Variants in DENND1A observed in about 807,000 individuals in gnomAD.
The protein encoded by DENND1A is DENN domain-containing protein 1A.
A neutral mutation model predicts 113.7 loss-of-function variants in DENND1A; 51 were observed. That is an observed-to-expected ratio of 0.45 (90% confidence interval 0.36 to 0.57). The LOEUF is 0.57. Among genes scored for constraint, DENND1A ranks in the 20% least tolerant of loss-of-function variants. The pLI is 0.00. For synonymous variants in DENND1A, 565 were observed against 570.8 expected (o/e 0.99, Z 0.14); for missense variants, 1,258 against 1,395.9 (o/e 0.90, Z 1.57).
intron 1 of DENND1A, among the ~76,000 whole-genome samples, chr9:123,890,294 G>C (rs1014318965): frequency 6.6e-6 from 1 of 152,086 alleles, no homozygotes; most frequent in African/African-American, 2.4e-5. Context: ...GGAATGGTGG[G>C]CCACAGACTT....
rs547603398 is a variant in DENND1A, at chr9:123,401,387, G to A, written c.1631+2015C>T. 67 of 731,586 alleles carry A rather than the reference G, an allele frequency of 9.2e-5. No homozygotes were observed. The African/African-American group carries it at 1.1e-3, about 12-fold the overall frequency. 45.3% of individuals were successfully genotyped at this position (731,586 alleles called of 1,614,324 possible). ...TGGGAAGAGGCGTAGAAAAACACCC[G>A]GGTTGCACTAGAAATACCACTGGTA... On this transcript the variant is annotated intron_variant, in intron 21 of 23. Coordinates refer to ENST00000394215, the MANE Select transcript of DENND1A (RefSeq NM_001352964.2).
chr9:123,564,234 C>T (rs529774284), intron 12 of DENND1A, among the ~76,000 whole-genome samples: 1 of 152,234 alleles, frequency 6.6e-6, no homozygotes, highest in Non-Finnish European at 1.5e-5. Flanking sequence ...TAGTGCTCAA[C>T]AAGTAGAGTG....
chr9:123,922,144 T>C (rs1856380419), intron 1 of DENND1A, among the ~76,000 whole-genome samples: 1 of 152,058 alleles, frequency 6.6e-6, no homozygotes, highest in Non-Finnish European at 1.5e-5. Context: ...ATGTTGCCCA[T>C]GCTGGTCTCA....
Position 123,667,014 on chromosome 9 carries a change from C to T in DENND1A, c.507+12G>A. 1 of 1,578,862 alleles carries T rather than the reference C, an allele frequency of 6.3e-7. No homozygotes were observed. The highest frequency in any genetic ancestry group is 8.6e-7 in the Non-Finnish European group (1 of 1,168,508). The stretch of plus-strand genomic sequence containing the variant: ...ATAAAAATTTAATTTTTTCTTCTTC[C>T]CAAGTACTTACATTCTCAGGTATGC... On this transcript the variant is annotated intron_variant, in intron 8 of 23. Transcript: ENST00000394215.
chr9:123,552,039 CAGAGAGAGAG>C (rs58452320), intron 13 of DENND1A, among the ~76,000 whole-genome samples: 5 of 128,334 alleles, frequency 3.9e-5, no homozygotes, highest in South Asian at 5.2e-4. Context: ...GAGAGAGAGA[CAGAGAGAGAG>C]AGAGAGAGAG....
At chr9:123,595,898 G>A (rs374330631) in intron 11 of DENND1A, among the ~76,000 whole-genome samples, 1 of 152,116 alleles carries the variant, frequency 6.6e-6, no homozygotes, top group African/African-American at 2.4e-5. Flanking sequence ...ATCCAGCCTG[G>A]CCTCCACTCT....
Position 123,422,241 on chromosome 9 carries a change from T to C in DENND1A, c.1489-10412A>G, listed in dbSNP as rs961641603. On this transcript the variant is annotated intron_variant, in intron 19 of 23. Coordinates refer to ENST00000394215, the MANE Select transcript of DENND1A (RefSeq NM_001352964.2). The surrounding 1 kb of genome is among the most constrained non-coding windows in gnomAD (Gnocchi z 4.8). ...AAGCCATCACCCAGCATCTGAATAA[T>C]GCCAGACCCGCCAGTCATTGTCCCC... is the stretch of plus-strand genomic sequence containing the variant. 6.6e-6 allele frequency among the ~76,000 whole-genome samples: 1 copy of C among 152,204 alleles called. No individual in the cohort carries two copies. Among genetic ancestry groups the C allele is most frequent in the African/African-American group, 2.4e-5 (1 of 41,440 alleles).
chr9:123,542,645 T>C (rs186579490), intron 13 of DENND1A, among the ~76,000 whole-genome samples: 1 of 151,956 alleles, frequency 6.6e-6, no homozygotes, highest in East Asian at 1.9e-4. Context: ...AGCGAGAGAT[T>C]AGGAGGAGGA....
chr9:123,914,402 A>C (rs1467808496), intron 1 of DENND1A, among the ~76,000 whole-genome samples: 3 of 151,726 alleles, frequency 2.0e-5, no homozygotes, highest in Admixed American at 1.3e-4. Flanking sequence ...TTAGCCGAGC[A>C]TGGTGGCGAG....
intron 1 of DENND1A, among the ~76,000 whole-genome samples, chr9:123,895,973 G>T (rs917183077): frequency 1.3e-5 from 2 of 152,088 alleles, no homozygotes; most frequent in Non-Finnish European, 2.9e-5. Flanking sequence ...TTTTCCACCA[G>T]TTCAAACACA....
chr9:123,465,859 G>A (rs1418158089), intron 13 of DENND1A, among the ~76,000 whole-genome samples: 1 of 152,164 alleles, frequency 6.6e-6, no homozygotes. Context: ...GCTTGGCCTT[G>A]TGCAATGCCA....
At chr9:123,655,724 A>C (rs948370264) in intron 8 of DENND1A, among the ~76,000 whole-genome samples, 4 of 152,188 alleles carry the variant, frequency 2.6e-5, no homozygotes, top group Non-Finnish European at 4.4e-5. Flanking sequence ...GATAGAAGGG[A>C]GGACTTCCGC....
At chr9:123,384,042 G>A (rs563063339) in intron 22 of DENND1A, 129 bp from the exon 23 acceptor site, 80 of 1,277,768 alleles carry the variant, frequency 6.3e-5, no homozygotes, top group Admixed American at 1.4e-4. Flanking sequence ...AGAGTGTCCC[G>A]GGGTCTCCGT....
intron 19 of DENND1A, among the ~76,000 whole-genome samples, chr9:123,436,525 T>C (rs1161622180): frequency 6.6e-6 from 1 of 152,188 alleles, no homozygotes; most frequent in African/African-American, 2.4e-5. Flanking sequence ...ATACTAAACT[T>C]GAGAAGGGGA....
chr9:123,450,609 C>T (rs928377968), intron 18 of DENND1A, 84 bp downstream of exon 18: 4 of 1,093,802 alleles, frequency 3.7e-6, no homozygotes, highest in African/African-American at 3.2e-5. Flanking sequence ...TATCAAACAG[C>T]CCTCTATTGA....
At chr9:123,430,837 A>G (rs1029774983) in intron 19 of DENND1A, among the ~76,000 whole-genome samples, 1 of 152,188 alleles carries the variant, frequency 6.6e-6, no homozygotes, top group Non-Finnish European at 1.5e-5. Context: ...TAAAGTAAAT[A>G]TTGAAGAAGA....
In DENND1A at chr9:123,788,465, A is replaced by G. The variant is rs528869848; in HGVS notation, c.132+4122T>C. The stretch of plus-strand genomic sequence containing the variant: ...CATTCTTTTCTCCTTTAATTCAATT[A>G]GTATTCATTAAAACTGAACTAATCA... On this transcript the variant is annotated intron_variant, in intron 3 of 23. Coordinates refer to ENST00000394215, the MANE Select transcript of DENND1A (RefSeq NM_001352964.2). Among the ~76,000 whole-genome samples the G allele has an allele frequency of 2.0e-5, 3 of 152,288 alleles. No homozygotes were observed. In the East Asian group the frequency reaches 5.8e-4, roughly 29 times the overall value.
intron 13 of DENND1A, among the ~76,000 whole-genome samples, chr9:123,524,741 T>C (rs1428708838): frequency 6.6e-6 from 1 of 152,198 alleles, no homozygotes; most frequent in Non-Finnish European, 1.5e-5. Context: ...GTTGAGGCTG[T>C]CTTTCAAGAG....
intron 11 of DENND1A, among the ~76,000 whole-genome samples, chr9:123,602,242 C>T (rs1388417685): frequency 1.3e-5 from 2 of 152,176 alleles, no homozygotes; most frequent in Non-Finnish European, 2.9e-5. Context: ...ACTTACAATA[C>T]CTAATACAAT....
Sources: gnomAD v4.1 joint callset for allele counts (sites outside exome capture counted in the v4.1 genomes callset) on GRCh38, gnomAD v4.1.1 for gene constraint, Gnocchi (gnomAD v3.1) non-coding constraint, MANE v1.5 for transcripts, NCBI Gene and HGNC (gene_info 2026-07-23, HGNC 2026-07-21) for gene names.